FAM81A: variants seen among roughly 807,000 people sequenced by gnomAD.
FAM81A encodes family with sequence similarity 81 member A, also known as protein FAM81A.
Under a neutral mutation model 46.7 loss-of-function variants are expected in FAM81A, and 19 were observed. That is an observed-to-expected ratio of 0.41 (90% CI 0.28 to 0.60). FAM81A has a LOEUF of 0.60. FAM81A is among the 20% of genes least tolerant of loss of function. The pLI is 0.34. For synonymous variants in FAM81A, 183 were observed against 152.9 expected, an observed-to-expected ratio of 1.20 and a Z score of -1.45; for missense variants, 377 against 453.5, an observed-to-expected ratio of 0.83 and a Z score of 1.53.
chr15:59,464,169 A>G (rs1349537061), intron 3 of FAM81A, among the ~76,000 whole-genome samples: 5 of 152,120 alleles, frequency 3.3e-5, no homozygotes, highest in African/African-American at 9.7e-5. Flanking sequence ...TATGGCTGAT[A>G]GTATTCCATT....
chr15:59,485,242 G>A (rs1596516501), intron 3 of FAM81A, among the ~76,000 whole-genome samples: 1 of 152,266 alleles, frequency 6.6e-6, no homozygotes, highest in East Asian at 1.9e-4. Context: ...CTTGCTGATT[G>A]TAGAGCCCTA....
At chr15:59,489,468 ATGTCTG>A (rs1175660593) in intron 3 of FAM81A, among the ~76,000 whole-genome samples, 2 of 152,172 alleles carry the variant, frequency 1.3e-5, no homozygotes, top group African/African-American at 4.8e-5. Context: ...TATTGTTAAA[ATGTCTG>A]TACTACCTGA....
intron 1 of FAM81A, among the ~76,000 whole-genome samples, chr15:59,447,231 A>G (rs879526277): frequency 6.6e-6 from 1 of 152,212 alleles, no homozygotes; most frequent in Admixed American, 6.5e-5. Context: ...GGTAATGTAC[A>G]GTTGAAAAAA....
intron 6 of FAM81A, among the ~76,000 whole-genome samples, chr15:59,509,818 G>T (rs2082186197): frequency 6.6e-6 from 1 of 152,148 alleles, no homozygotes; most frequent in Admixed American, 6.5e-5. Flanking sequence ...CTGAAAGATG[G>T]CGAGGGTGAC....
intron 2 of FAM81A, among the ~76,000 whole-genome samples, chr15:59,429,880 T>C (rs544956439): frequency 6.6e-6 from 1 of 152,300 alleles, no homozygotes; most frequent in East Asian, 1.9e-4. Flanking sequence ...TAGTTAGGAA[T>C]AGGTGCACTC....
chr15:59,507,189 C>G (rs768667813), intron 4 of FAM81A, 24 bp from the exon 5 acceptor site: 2 of 1,599,034 alleles, frequency 1.3e-6, no homozygotes, highest in African/African-American at 2.7e-5. Flanking sequence ...TAATAAGAAT[C>G]AGCTTTGTTC....
intron 2 of FAM81A, among the ~76,000 whole-genome samples, chr15:59,419,899 G>T (rs377765906): frequency 6.6e-6 from 1 of 151,968 alleles, no homozygotes; most frequent in Non-Finnish European, 1.5e-5. Context: ...AACAAACAAA[G>T]AAACCAAAAA....
At chr15:59,433,565 TG>T (rs2081230420), upstream of FAM81A, among the ~76,000 whole-genome samples, 1 of 152,172 alleles carries the variant, frequency 6.6e-6, no homozygotes, top group Non-Finnish European at 1.5e-5. Context: ...AGCCTATACA[TG>T]AAGAAAAATT....
At chr15:59,470,175 A>G (rs1325502299) in intron 3 of FAM81A, among the ~76,000 whole-genome samples, 1 of 152,024 alleles carries the variant, frequency 6.6e-6, no homozygotes, top group Non-Finnish European at 1.5e-5. Context: ...GAATCTGACA[A>G]TTATGTGTCT....
intron 8 of FAM81A, among the ~76,000 whole-genome samples, chr15:59,517,097 C>T (rs1156307584): frequency 6.6e-6 from 1 of 152,116 alleles, no homozygotes; most frequent in Non-Finnish European, 1.5e-5. Context: ...GGTACATTTT[C>T]TTCAGCACCA....
At chr15:59,441,321 G>A (rs1412390108) in intron 1 of FAM81A, among the ~76,000 whole-genome samples, 1 of 152,286 alleles carries the variant, frequency 6.6e-6, no homozygotes, top group South Asian at 2.1e-4. Flanking sequence ...AATTTTCTGC[G>A]GTGAGAAAAA....
chr15:59,410,237 A>C (rs1362627593), intron 2 of FAM81A, among the ~76,000 whole-genome samples: 4 of 152,160 alleles, frequency 2.6e-5, no homozygotes, highest in African/African-American at 9.7e-5. Context: ...TAGAGGTTGC[A>C]GTGAGTTGAG....
At chr15:59,400,791 T>TC (rs2081066956) in intron 1 of FAM81A, among the ~76,000 whole-genome samples, 1 of 152,210 alleles carries the variant, frequency 6.6e-6, no homozygotes, top group South Asian at 2.1e-4. Context: ...AAGTCTAAAC[T>TC]CCCAGTCTAC....
chr15:59,449,753 G>A (rs756316786), intron 1 of FAM81A, among the ~76,000 whole-genome samples: 3 of 111,800 alleles, frequency 2.7e-5, no homozygotes, highest in Non-Finnish European at 4.9e-5. Flanking sequence ...CTGCACTCCA[G>A]CCTGGGCGAC....
chr15:59,417,274 T>C (rs2081150639), intron 2 of FAM81A, among the ~76,000 whole-genome samples: 1 of 152,188 alleles, frequency 6.6e-6, no homozygotes, highest in Non-Finnish European at 1.5e-5. Context: ...AGTGGTCACA[T>C]GCCGTACCAC....
At chr15:59,470,832 C>CT (rs1332728803) in intron 3 of FAM81A, among the ~76,000 whole-genome samples, 6 of 151,594 alleles carry the variant, frequency 4.0e-5, no homozygotes, top group African/African-American at 1.2e-4. Flanking sequence ...CCTTTTTTTT[C>CT]TTTTTTTGAG....
At chr15:59,458,294 G>A (rs73417006) in intron 1 of FAM81A, among the ~76,000 whole-genome samples, 2,598 of 152,260 alleles carry the variant, frequency 0.017, 78 homozygotes, top group African/African-American at 0.06. Context: ...AAACTCCATT[G>A]TACAGTCCCT....
intron 5 of FAM81A, 132 bp from the exon 6 acceptor site, chr15:59,508,731 G>A (rs748816256): frequency 1.7e-6 from 1 of 599,698 alleles, no homozygotes; most frequent in Non-Finnish European, 2.9e-6. Flanking sequence ...AGATGAGGTA[G>A]ACTTATAAAT....
In FAM81A at chr15:59,510,123, T is replaced by C. The variant is rs370159658; in HGVS notation, c.650+1154T>C. On this transcript the variant is annotated intron_variant, in intron 6 of 8. Coordinates refer to ENST00000288228, the MANE Select transcript of FAM81A (RefSeq NM_152450.3). ...GCTCATGCCTATAATCTCAGCACTC[T>C]GGGAGGCCAAGGCAGATGGATCACC... Among the ~76,000 whole-genome samples, 47 of 152,286 alleles carry C rather than the reference T, an allele frequency of 3.1e-4. No homozygotes were observed. In the East Asian group the frequency reaches 6.4e-3, roughly 21 times the overall value.
Sources: gnomAD v4.1 joint callset for allele counts (sites outside exome capture counted in the v4.1 genomes callset) on GRCh38, gnomAD v4.1.1 for gene constraint, MANE v1.5 for transcripts, NCBI Gene and HGNC (gene_info 2026-07-23, HGNC 2026-07-21) for gene names.